The following DOCK2 variants were observed in gnomAD, a reference collection of about 807,000 sequenced individuals.
The protein encoded by DOCK2 is dedicator of cytokinesis protein 2.
DOCK2 carries 87 observed loss-of-function variants against 248.9 expected under a neutral mutation model. The observed-to-expected ratio is 0.35, with a 90% confidence interval of 0.29 to 0.42. The LOEUF is 0.42. Ranked by LOEUF, DOCK2 falls within the 10% of genes least tolerant of loss-of-function variation. The pLI, the probability that DOCK2 is intolerant of heterozygous loss-of-function variation, is 1.00. For missense variants in DOCK2, 1,747 were observed against 2,300.2 expected, an observed-to-expected ratio of 0.76 and a Z score of 4.92; for synonymous variants, 805 against 821.6, an observed-to-expected ratio of 0.98 and a Z score of 0.35.
intron 44 of DOCK2, among the ~76,000 whole-genome samples, chr5:170,062,477 G>A (rs1303686446): frequency 6.6e-6 from 1 of 152,054 alleles, no homozygotes; most frequent in African/African-American, 2.4e-5. Flanking sequence ...ACTCAGGCAT[G>A]CACCCTGCTC....
At chr5:169,892,888 A>C (rs1290180889) in intron 27 of DOCK2, among the ~76,000 whole-genome samples, 1 of 148,788 alleles carries the variant, frequency 6.7e-6, no homozygotes, top group Non-Finnish European at 1.5e-5. Flanking sequence ...CTCTGTCTTC[A>C]CTCCTTCTTT....
rs1383962803 is a variant in DOCK2, at chr5:169,653,110, C to T, written c.44-1293C>T. Among the ~76,000 whole-genome samples, 4 of 152,266 alleles carry T rather than the reference C, an allele frequency of 2.6e-5. 1 individual carries two copies. The highest frequency in any genetic ancestry group is 4.8e-5 in the African/African-American group (2 of 41,538). ...TATCTGAAATTTGGAAATAATAAGA[C>T]TTCTCACTTGCAAGGAGTGTTGTGA... On this transcript the variant is annotated intron_variant, in intron 1 of 51. Transcript: ENST00000520908.
chr5:170,013,552 G>C (rs1373708263), intron 32 of DOCK2, among the ~76,000 whole-genome samples: 7 of 151,940 alleles, frequency 4.6e-5, no homozygotes, highest in Non-Finnish European at 8.8e-5. Context: ...GGAGGAAGGG[G>C]CCATGAACCA....
intron 27 of DOCK2, among the ~76,000 whole-genome samples, chr5:169,971,213 A>C (rs952625950): frequency 6.6e-6 from 1 of 151,420 alleles, no homozygotes; most frequent in African/African-American, 2.4e-5. Flanking sequence ...GTATGACATC[A>C]TCTGGAAAAT....
chr5:170,040,953 C>G, intron 36 of DOCK2, 102 bp from the exon 37 acceptor site: 1 of 1,023,818 alleles, frequency 9.8e-7, no homozygotes, highest in Non-Finnish European at 1.5e-6. Flanking sequence ...TTTCTTGCGA[C>G]CCAGAGAGGT....
At chr5:169,644,225 C>A (rs916260017) in intron 1 of DOCK2, among the ~76,000 whole-genome samples, 1 of 152,200 alleles carries the variant, frequency 6.6e-6, no homozygotes, top group African/African-American at 2.4e-5. Context: ...GTAGGACGAC[C>A]TGTCTTAAGT....
At chr5:169,954,745 T>A (rs918911422) in intron 27 of DOCK2, among the ~76,000 whole-genome samples, 3 of 152,212 alleles carry the variant, frequency 2.0e-5, no homozygotes, top group Non-Finnish European at 4.4e-5. Flanking sequence ...CCAAGATGAT[T>A]TTCAAGGAGT....
intron 26 of DOCK2, among the ~76,000 whole-genome samples, chr5:169,837,726 A>G (rs1769678628): frequency 6.6e-6 from 1 of 152,180 alleles, no homozygotes; most frequent in Admixed American, 6.5e-5. Context: ...GCCCAAGGTC[A>G]CCCAGCTCAA....
intron 27 of DOCK2, among the ~76,000 whole-genome samples, chr5:169,956,418 C>T (rs1170526895): frequency 3.9e-5 from 6 of 152,132 alleles, no homozygotes; most frequent in Non-Finnish European, 8.8e-5. Flanking sequence ...GTCCCTCTCT[C>T]GTGGGTTGTA....
intron 11 of DOCK2, among the ~76,000 whole-genome samples, chr5:169,699,123 G>T (rs906668136): frequency 1.3e-5 from 2 of 152,006 alleles, no homozygotes; most frequent in Non-Finnish European, 2.9e-5. Flanking sequence ...GAAAGCTTTG[G>T]AATCCTACCT....
intron 2 of DOCK2, among the ~76,000 whole-genome samples, chr5:169,664,715 A>C (rs1463879396): frequency 6.6e-6 from 1 of 152,188 alleles, no homozygotes; most frequent in Non-Finnish European, 1.5e-5. Context: ...CGTTATCACC[A>C]GAACAGCATG....
intron 27 of DOCK2, among the ~76,000 whole-genome samples, chr5:169,843,663 A>G (rs1770129534): frequency 6.6e-6 from 1 of 152,226 alleles, no homozygotes; most frequent in African/African-American, 2.4e-5. Context: ...AATTCAGTTT[A>G]GAGTATTTCT....
chr5:169,940,548 C>G lies in DOCK2; in HGVS notation c.2800-42520C>G, dbSNP rs1162255636. 1.3e-5 allele frequency among the ~76,000 whole-genome samples: 2 copies of G among 151,980 alleles called. 1 individual carries two copies. The highest frequency in any genetic ancestry group is 4.2e-4 in the South Asian group (2 of 4,810). On this transcript the variant is annotated intron_variant, in intron 27 of 51. Coordinates refer to ENST00000520908, the MANE Select transcript of DOCK2 (RefSeq NM_004946.3). The stretch of plus-strand genomic sequence containing the variant: ...ACCTTAATGTAGAATCAATGGGAAC[C>G]CTGAGCTTGTTTTTCTGCAACTAGA...
At chr5:169,924,006 G>A (rs987760071) in intron 27 of DOCK2, among the ~76,000 whole-genome samples, 16 of 152,198 alleles carry the variant, frequency 1.1e-4, no homozygotes, top group Non-Finnish European at 2.4e-4. Context: ...CATTCAGGTG[G>A]AGGCTTTGTG....
chr5:169,948,979 T>C (rs1407673120), intron 27 of DOCK2, among the ~76,000 whole-genome samples: 1 of 152,216 alleles, frequency 6.6e-6, no homozygotes, highest in Non-Finnish European at 1.5e-5. Flanking sequence ...CTTTTTTATA[T>C]GCATCCAGTT....
chr5:169,952,803 G>A (rs752198577), intron 27 of DOCK2, among the ~76,000 whole-genome samples: 6 of 152,148 alleles, frequency 3.9e-5, no homozygotes, highest in Non-Finnish European at 7.3e-5. Flanking sequence ...GCCACATGGA[G>A]AGTGAAGCCA....
intron 30 of DOCK2, among the ~76,000 whole-genome samples, chr5:170,001,050 C>T (rs1754814307): frequency 6.6e-6 from 1 of 152,120 alleles, no homozygotes; most frequent in Admixed American, 6.5e-5. Flanking sequence ...TGGGCACATG[C>T]TTGGGTGCAG....
At chr5:169,791,442 C>G (rs11958152) in intron 25 of DOCK2, among the ~76,000 whole-genome samples, 22,296 of 152,216 alleles carry the variant, frequency 0.15, 2,490 homozygotes, top group African/African-American at 0.31. Context: ...ACTGAGATTT[C>G]TTTTCAGTCC....
At position 169,714,433 on chromosome 5, in the gene DOCK2, T is replaced by A; in HGVS notation, c.1917T>A (p.Ile639=). The A allele has an allele frequency of 1.2e-6, 2 of 1,614,062 alleles. No homozygotes were observed. The highest frequency in any genetic ancestry group is 1.7e-6 in the Non-Finnish European group (2 of 1,179,972). Residue 639 remains isoleucine, a synonymous_variant, in exon 19 of 52, where the codon ATT becomes ATA. Transcript: ENST00000520908. The part of the protein sequence containing the change: ...LLQENLEKLK[I]VDGEEVVKFL... ...AGGAGAATTTAGAAAAGTTGAAGAT[T>A]GTGGATGGAGAGGAAGTGGTGAAGG...
Sources: gnomAD v4.1 joint callset for allele counts (sites outside exome capture counted in the v4.1 genomes callset) on GRCh38, gnomAD v4.1.1 for gene constraint, MANE v1.5 for transcripts, NCBI Gene and HGNC (gene_info 2026-07-23, HGNC 2026-07-21) for gene names.